The following PRKN variants were observed in gnomAD, a reference collection of about 807,000 sequenced individuals.
The protein encoded by PRKN is E3 ubiquitin-protein ligase parkin.
Under a neutral mutation model 59.5 loss-of-function variants are expected in PRKN, and 56 were observed. That is an observed-to-expected ratio of 0.94 (90% CI 0.76 to 1.18). The LOEUF (loss-of-function observed/expected upper bound fraction) is 1.18, where lower values mean the gene tolerates loss of function less well. Among genes scored for constraint, PRKN ranks in the 50% most tolerant of loss-of-function variants. The pLI is 0.00. For missense variants in PRKN, 657 were observed against 596.4 expected (o/e 1.10, Z -1.06); for synonymous variants, 250 against 222.1 (o/e 1.13, Z -1.12).
intron 6 of PRKN, among the ~76,000 whole-genome samples, chr6:161,900,516 A>G (rs1186874360): frequency 1.5e-5 from 2 of 135,874 alleles, no homozygotes; most frequent in African/African-American, 2.8e-5. Flanking sequence ...TATATTATAT[A>G]TACAACATAT....
At chr6:161,883,734 C>T (rs1191971453) in intron 6 of PRKN, among the ~76,000 whole-genome samples, 1 of 152,108 alleles carries the variant, frequency 6.6e-6, no homozygotes, top group East Asian at 1.9e-4. Flanking sequence ...GCTGCTGAAA[C>T]TTCCACCCCT....
At position 161,584,448 on chromosome 6, in the gene PRKN, T is replaced by C. The variant is rs1781451934; in HGVS notation, c.872-15032A>G. Among the ~76,000 whole-genome samples, 1 of 152,314 alleles carries C rather than the reference T, an allele frequency of 6.6e-6. No homozygotes were observed. The highest frequency in any genetic ancestry group is 3.4e-3 in the Middle Eastern group (1 of 294). On this transcript the variant is annotated intron_variant, in intron 7 of 11. Coordinates refer to ENST00000366898, the MANE Select transcript of PRKN (RefSeq NM_004562.3). This position sits in a 1 kb window ranked among gnomAD's most constrained non-coding sequence, Gnocchi z 4.8. ...AAGATTAGTTAATTTAATATAATAATAGTTCTTCTATTATAATCTTCATGT... is the reference window on the plus strand; with the variant it reads ...AAGATTAGTTAATTTAATATAATAACAGTTCTTCTATTATAATCTTCATGT...
chr6:162,710,033 C>T (rs1778471959), intron 1 of PRKN, among the ~76,000 whole-genome samples: 1 of 152,102 alleles, frequency 6.6e-6, no homozygotes, highest in Admixed American at 6.5e-5. Flanking sequence ...GGGGTGTTAT[C>T]ATGACAAGGG....
chr6:161,813,487 T>C (rs1187588898), intron 6 of PRKN, among the ~76,000 whole-genome samples: 2 of 152,196 alleles, frequency 1.3e-5, no homozygotes, highest in Non-Finnish European at 2.9e-5. Flanking sequence ...AAAAGACCTG[T>C]CTGGCCTTCC....
At chr6:161,637,560 C>A (rs115055669) in intron 7 of PRKN, among the ~76,000 whole-genome samples, 3 of 152,140 alleles carry the variant, frequency 2.0e-5, no homozygotes, top group Non-Finnish European at 4.4e-5. Context: ...GCACGACCTG[C>A]CTTTCGTGTT....
intron 1 of PRKN, among the ~76,000 whole-genome samples, chr6:162,459,525 G>A (rs563299261): frequency 2.0e-4 from 31 of 152,192 alleles, no homozygotes; most frequent in East Asian, 7.7e-4. Flanking sequence ...ATTTACGAGC[G>A]TATTTTTAAC....
At chr6:162,027,687 T>G (rs1783487664) in intron 5 of PRKN, among the ~76,000 whole-genome samples, 1 of 152,140 alleles carries the variant, frequency 6.6e-6, no homozygotes, top group South Asian at 2.1e-4. Flanking sequence ...TACTCTGCAA[T>G]GTTTTAATAC....
In PRKN at chr6:162,721,938, G is replaced by T. The variant is rs1199755603; in HGVS notation, c.7+5724C>A. Among the ~76,000 whole-genome samples, 3 of 152,174 alleles carry T rather than the reference G, an allele frequency of 2.0e-5. No individual in the cohort carries two copies. The East Asian group carries it at 5.8e-4, about 29-fold the overall frequency. ...GCATTCAGATCAACGAGAATCAAAT[G>T]AACAAAAGAAACATGAAAAATCACG... On this transcript the variant is annotated intron_variant, in intron 1 of 11. Transcript: ENST00000366898.
At chr6:162,440,368 A>G (rs9365435) in intron 2 of PRKN, among the ~76,000 whole-genome samples, 5 of 152,038 alleles carry the variant, frequency 3.3e-5, no homozygotes, top group African/African-American at 1.2e-4. Flanking sequence ...ACATTTCATA[A>G]GACTGTGGTC....
chr6:161,888,565 G>T (rs889358987), intron 6 of PRKN, among the ~76,000 whole-genome samples: 3 of 152,156 alleles, frequency 2.0e-5, no homozygotes, highest in Non-Finnish European at 4.4e-5. Context: ...AGCCTTTCTA[G>T]GAGTGGGGCA....
At chr6:162,051,509 A>G (rs1376207189) in intron 5 of PRKN, among the ~76,000 whole-genome samples, 1 of 152,190 alleles carries the variant, frequency 6.6e-6, no homozygotes, top group African/African-American at 2.4e-5. Flanking sequence ...ATCCTCGTTC[A>G]GGAACAATGT....
intron 1 of PRKN, among the ~76,000 whole-genome samples, chr6:162,654,791 G>T (rs1292533421): frequency 6.6e-6 from 1 of 152,208 alleles, no homozygotes; most frequent in East Asian, 1.9e-4. Flanking sequence ...GGAAGGGGAA[G>T]CAAACACTTC....
In PRKN at chr6:161,855,876, AG is replaced by A. The variant is rs565363221; in HGVS notation, c.735-69969del. ...TATTATCTAACATAAGAAAGTGTAC[AG>A]TTAAAAAAGCAGAATCAAGCAGGGT... On this transcript the variant is annotated intron_variant, in intron 6 of 11. Transcript: ENST00000366898. Among the ~76,000 whole-genome samples, 100 of 152,352 alleles carry A rather than the reference AG, an allele frequency of 6.6e-4. 1 individual carries two copies. The Middle Eastern group carries it at 0.017, about 26-fold the overall frequency.
At chr6:161,849,374 T>C (rs181100212) in intron 6 of PRKN, among the ~76,000 whole-genome samples, 8 of 152,328 alleles carry the variant, frequency 5.3e-5, no homozygotes, top group Admixed American at 1.3e-4. Flanking sequence ...TATTTCTACT[T>C]GCAATTTTCT....
intron 2 of PRKN, among the ~76,000 whole-genome samples, chr6:162,404,560 T>A (rs1012443803): frequency 6.6e-6 from 1 of 151,278 alleles, no homozygotes; most frequent in Admixed American, 6.6e-5. Context: ...CCAACACTTA[T>A]GGGTTTTTGG....
intron 7 of PRKN, among the ~76,000 whole-genome samples, chr6:161,693,179 A>C (rs1034471892): frequency 2.0e-5 from 3 of 152,184 alleles, no homozygotes; most frequent in Non-Finnish European, 4.4e-5. Context: ...CTAGCCCTAA[A>C]TATTTCTGAA....
chr6:161,824,891 G>A (rs1408147107), intron 6 of PRKN, among the ~76,000 whole-genome samples: 1 of 152,168 alleles, frequency 6.6e-6, no homozygotes, highest in Non-Finnish European at 1.5e-5. Flanking sequence ...ATTCATTGAT[G>A]AGTTTTGTCA....
In PRKN at chr6:162,145,846, CCAAT is replaced by C. The variant is rs1782003868; in HGVS notation, c.534+55281_534+55284del. On this transcript the variant is annotated intron_variant, in intron 4 of 11. Transcript: ENST00000366898. ...ACATCTGATGGGCGGCGAAAAGCAA[CCAAT>C]CAGAGGCTAAAGTTACAAAGTTGCA... is the stretch of plus-strand genomic sequence containing the variant. Among the ~76,000 whole-genome samples, 3 of 152,240 alleles carry C rather than the reference CCAAT, an allele frequency of 2.0e-5. No homozygotes were observed. In the South Asian group the frequency reaches 6.2e-4, roughly 32 times the overall value.
chr6:162,407,382 T>C (rs1263515857), intron 2 of PRKN, among the ~76,000 whole-genome samples: 1 of 152,200 alleles, frequency 6.6e-6, no homozygotes, highest in African/African-American at 2.4e-5. Context: ...CATAAAACAG[T>C]AGCTTTGGTT....
Sources: gnomAD v4.1 joint callset for allele counts (sites outside exome capture counted in the v4.1 genomes callset) on GRCh38, gnomAD v4.1.1 for gene constraint, Gnocchi (gnomAD v3.1) non-coding constraint, MANE v1.5 for transcripts, NCBI Gene and HGNC (gene_info 2026-07-23, HGNC 2026-07-21) for gene names.